The following NAALADL2 variants were observed in gnomAD, a reference collection of about 807,000 sequenced individuals.
NAALADL2 encodes inactive N-acetylated-alpha-linked acidic dipeptidase-like protein 2.
NAALADL2 carries 76 observed loss-of-function variants against 87.2 expected under a neutral mutation model. The observed-to-expected ratio is 0.87, with a 90% CI of 0.72 to 1.05. NAALADL2 has a LOEUF of 1.05. Ranked by LOEUF, NAALADL2 falls within the 50% of genes least tolerant of loss-of-function variation. NAALADL2 has a pLI of 0.00. For missense variants in NAALADL2, 1,089 were observed against 945.8 expected, an observed-to-expected ratio of 1.15 and a Z score of -1.99; for synonymous variants, 354 against 331.0, an observed-to-expected ratio of 1.07 and a Z score of -0.75.
intron 5 of NAALADL2, among the ~76,000 whole-genome samples, chr3:175,325,021 C>T (rs973556529): frequency 2.6e-5 from 4 of 152,158 alleles, no homozygotes; most frequent in Admixed American, 2.0e-4. Flanking sequence ...TTCATTCAAC[C>T]TGGCTGAGGA....
chr3:174,813,979 A>G (rs1049889329), intron 3 of NAALADL2, among the ~76,000 whole-genome samples: 1 of 152,208 alleles, frequency 6.6e-6, no homozygotes, highest in Non-Finnish European at 1.5e-5. Context: ...ACATATCTTC[A>G]TTCCATTATA....
intron 5 of NAALADL2, among the ~76,000 whole-genome samples, chr3:175,440,961 A>T (rs746301714): frequency 8.5e-5 from 13 of 152,178 alleles, no homozygotes; most frequent in Non-Finnish European, 1.3e-4. Context: ...ATAAAGAGAC[A>T]TGTTAATCAT....
intron 1 of NAALADL2, among the ~76,000 whole-genome samples, chr3:174,927,348 C>T (rs183721043): frequency 6.6e-6 from 1 of 152,250 alleles, no homozygotes; most frequent in Admixed American, 6.5e-5. Flanking sequence ...CAGCTCTGCA[C>T]CAAGCAGACC....
chr3:175,772,573 C>T (rs914150022), intron 13 of NAALADL2, among the ~76,000 whole-genome samples: 3 of 152,124 alleles, frequency 2.0e-5, no homozygotes, highest in African/African-American at 7.2e-5. Context: ...TTAAATCAGA[C>T]TCACAATACT....
chr3:175,722,333 A>T (rs1742349063), intron 11 of NAALADL2, among the ~76,000 whole-genome samples: 1 of 152,102 alleles, frequency 6.6e-6, no homozygotes, highest in East Asian at 1.9e-4. Context: ...GTAGCAATTA[A>T]TTTTTCCATT....
chr3:175,722,821 C>T (rs1393112122), intron 11 of NAALADL2, among the ~76,000 whole-genome samples: 2 of 152,092 alleles, frequency 1.3e-5, no homozygotes, highest in African/African-American at 4.8e-5. Context: ...CTTTCCTTTG[C>T]CTGCCTTTAG....
intron 2 of NAALADL2, among the ~76,000 whole-genome samples, chr3:175,192,758 C>G (rs1738397049): frequency 6.6e-6 from 1 of 151,974 alleles, no homozygotes; most frequent in South Asian, 2.1e-4. Flanking sequence ...CCAATGTATA[C>G]TCATCAAATC....
chr3:175,546,316 A>T (rs1474405248), intron 9 of NAALADL2, among the ~76,000 whole-genome samples: 1 of 152,100 alleles, frequency 6.6e-6, no homozygotes, highest in East Asian at 1.9e-4. Context: ...TGAAGACACC[A>T]TACCAATGGT....
At chr3:175,620,409 A>G (rs960007330) in intron 10 of NAALADL2, among the ~76,000 whole-genome samples, 3 of 152,186 alleles carry the variant, frequency 2.0e-5, no homozygotes, top group African/African-American at 7.2e-5. Context: ...GCACCCGAAA[A>G]CTAAAAGAGA....
At chr3:175,444,217 A>G (rs111851231) in intron 5 of NAALADL2, among the ~76,000 whole-genome samples, 13 of 152,308 alleles carry the variant, frequency 8.5e-5, no homozygotes, top group African/African-American at 2.6e-4. Flanking sequence ...CAATCATGAA[A>G]ACTTCGAAAT....
At chr3:174,485,530 T>C (rs867985976) in intron 1 of NAALADL2, among the ~76,000 whole-genome samples, 1 of 151,930 alleles carries the variant, frequency 6.6e-6, no homozygotes. Flanking sequence ...TTCCCACTTA[T>C]AAATGAGAAT....
chr3:175,419,169 A>C (rs1581802202), intron 5 of NAALADL2, among the ~76,000 whole-genome samples: 2 of 151,846 alleles, frequency 1.3e-5, no homozygotes, highest in African/African-American at 4.8e-5. Flanking sequence ...CCTCTGGGGA[A>C]AAATGTATTG....
At chr3:174,648,945 T>TTTTGTC (rs1257626181) in intron 2 of NAALADL2, among the ~76,000 whole-genome samples, 5 of 151,956 alleles carry the variant, frequency 3.3e-5, no homozygotes, top group African/African-American at 7.3e-5. Flanking sequence ...GGAGAACCTG[T>TTTTGTC]TTTGTTTTTG....
At chr3:175,144,966 TC>T (rs1730543705) in intron 2 of NAALADL2, among the ~76,000 whole-genome samples, 1 of 152,002 alleles carries the variant, frequency 6.6e-6, no homozygotes, top group African/African-American at 2.4e-5. Context: ...AAGTCTTTTT[TC>T]TTTTTTTAAT....
chr3:175,043,088 A>C (rs1213898075), intron 1 of NAALADL2, among the ~76,000 whole-genome samples: 18 of 152,154 alleles, frequency 1.2e-4, no homozygotes, highest in Admixed American at 1.2e-3. Context: ...CTTTCCAACC[A>C]TCAGAATCAG....
chr3:174,613,545 C>T (rs913190901), intron 2 of NAALADL2, among the ~76,000 whole-genome samples: 2 of 152,154 alleles, frequency 1.3e-5, no homozygotes, highest in African/African-American at 4.8e-5. Context: ...AAAGAGAAGC[C>T]TCACCCCATG....
chr3:174,919,743 T>G (rs757056401), intron 1 of NAALADL2, among the ~76,000 whole-genome samples: 2 of 152,232 alleles, frequency 1.3e-5, no homozygotes, highest in Non-Finnish European at 2.9e-5. Context: ...CAAAAGGTTT[T>G]CAATTTACTT....
intron 2 of NAALADL2, among the ~76,000 whole-genome samples, chr3:175,135,133 T>C (rs1227832054): frequency 1.3e-5 from 2 of 152,172 alleles, no homozygotes; most frequent in African/African-American, 4.8e-5. Flanking sequence ...AAATAATATC[T>C]CTCAACAGTT....
intron 1 of NAALADL2, among the ~76,000 whole-genome samples, chr3:174,962,403 TGACTATGAC>T (rs1742205333): frequency 8.4e-6 from 1 of 119,688 alleles, no homozygotes; most frequent in African/African-American, 3.4e-5. Context: ...TATGTCATAG[TGACTATGAC>T]ATATATATAT....
Sources: allele counts gnomAD v4.1 joint callset (sites outside exome capture counted in the v4.1 genomes callset), GRCh38; gene constraint gnomAD v4.1.1; transcripts MANE v1.5; gene names NCBI Gene and HGNC (gene_info 2026-07-23, HGNC 2026-07-21).